DNAH3: variants seen among roughly 807,000 people sequenced by gnomAD.
DNAH3 encodes the protein dynein axonemal heavy chain 3.
Under a neutral mutation model 432.5 loss-of-function variants are expected in DNAH3, and 332 were observed. That is an observed-to-expected ratio of 0.77 (90% CI 0.70 to 0.84). The LOEUF is 0.84. DNAH3 is among the 40% of genes least tolerant of loss of function. The pLI, the probability that DNAH3 is intolerant of heterozygous loss-of-function variation, is 0.00. For synonymous variants in DNAH3, 1,956 were observed against 1,900.2 expected (o/e 1.03, Z -0.76); for missense variants, 4,861 against 5,114.0 (o/e 0.95, Z 1.51).
chr16:21,049,845 C>A, intron 30 of DNAH3, 65 bp downstream of exon 30: 4 of 1,440,230 alleles, frequency 2.8e-6, no homozygotes, highest in Non-Finnish European at 3.9e-6. Flanking sequence ...TTGATGCCTA[C>A]TTCCCACAGG....
chr16:21,027,187 AAG>A, intron 37 of DNAH3, 60 bp from the exon 38 acceptor site: 1 of 1,238,886 alleles, frequency 8.1e-7, no homozygotes, highest in East Asian at 2.3e-5. Context: ...ATCTGCAAGT[AAG>A]AGGTCTCAGT....
chr16:21,086,126 T>C (rs2091363577), intron 19 of DNAH3, among the ~76,000 whole-genome samples: 1 of 152,188 alleles, frequency 6.6e-6, no homozygotes, highest in African/African-American at 2.4e-5. Flanking sequence ...GAAAGCCATT[T>C]TCACTTCTAA....
intron 23 of DNAH3, among the ~76,000 whole-genome samples, 184 bp from the exon 24 acceptor site, chr16:21,067,603 G>A: frequency 6.6e-6 from 1 of 151,990 alleles, no homozygotes; most frequent in East Asian, 1.9e-4. Flanking sequence ...TCTGATCATG[G>A]TTGACTGGGC....
intron 1 of DNAH3, chr16:21,159,296 G>A (rs746604596): frequency 3.2e-6 from 5 of 1,583,444 alleles, no homozygotes; most frequent in East Asian, 4.5e-5. Context: ...CAGTCTCTGT[G>A]CCTTCTGGGA....
intron 51 of DNAH3, 46 bp downstream of exon 51, chr16:20,975,181 CCACGCT>C (rs1459808181): frequency 6.3e-7 from 1 of 1,597,700 alleles, no homozygotes; most frequent in South Asian, 1.1e-5. Context: ...ATGGGTATAA[CCACGCT>C]CATTCGGCAG....
chr16:21,120,485 T>TA, intron 11 of DNAH3: 2 of 555,960 alleles, frequency 3.6e-6, no homozygotes, highest in Non-Finnish European at 6.4e-6. Flanking sequence ...TTGCCATTCT[T>TA]AAAGATTTTT....
exon 37 of DNAH3, chr16:21,031,158 A>C (rs779166086): frequency 6.2e-7 from 1 of 1,614,132 alleles, no homozygotes; most frequent in South Asian, 1.1e-5. Context: ...TGCTCCCGGA[A>C]AGCATTGGCA....
intron 49 of DNAH3, among the ~76,000 whole-genome samples, chr16:20,981,597 C>T (rs1327166468): frequency 6.6e-6 from 1 of 152,116 alleles, no homozygotes; most frequent in Admixed American, 6.6e-5. Context: ...TGGAGGCTCA[C>T]ACCTGTAATC....
intron 12 of DNAH3, among the ~76,000 whole-genome samples, chr16:21,115,876 A>T (rs2092186956): frequency 6.6e-6 from 1 of 152,136 alleles, no homozygotes; most frequent in South Asian, 2.1e-4. Context: ...GCTTCCAAAT[A>T]TGAGGCCATG....
At chr16:21,152,778 G>A (rs1318204651) in intron 1 of DNAH3, among the ~76,000 whole-genome samples, 2 of 152,248 alleles carry the variant, frequency 1.3e-5, no homozygotes, top group South Asian at 2.1e-4. Context: ...TCCCCCAGCA[G>A]TGCTAGCCCA....
chr16:20,947,148 C>A (rs994887880), intron 57 of DNAH3, among the ~76,000 whole-genome samples: 1 of 151,896 alleles, frequency 6.6e-6, no homozygotes, highest in East Asian at 1.9e-4. Flanking sequence ...TAAGACTCCA[C>A]CTAGAGAGAG....
At chr16:21,148,345 A>C (rs889680031) in intron 1 of DNAH3, among the ~76,000 whole-genome samples, 3 of 152,178 alleles carry the variant, frequency 2.0e-5, no homozygotes, top group Admixed American at 2.0e-4. Context: ...CTAGCTGAAG[A>C]AAATGAGGGT....
At position 21,075,533 on chromosome 16, in the gene DNAH3, T is replaced by A; in HGVS notation, c.2998A>T (p.Lys1000Ter). The change falls in exon 21 of 62, where the codon AAG becomes TAG. Residue 1000 changes from lysine to a stop codon, truncating the protein, a stop_gained. Coordinates refer to ENST00000261383, the Ensembl canonical transcript of DNAH3. LOFTEE classifies it high-confidence loss of function. ...AAGTTTTTCTCCAGAGAGTATTCCT[T>A]GCTGGCAGCTGCACCAATGGGCTCC... 2 of 1,613,978 alleles carry A rather than the reference T, an allele frequency of 1.2e-6. No individual in the cohort carries two copies. Among genetic ancestry groups the A allele is most frequent in the Non-Finnish European group, 8.5e-7 (1 of 1,179,906 alleles).
At chr16:20,966,020 T>C (rs988822071) in intron 52 of DNAH3, among the ~76,000 whole-genome samples, 13 of 65,486 alleles carry the variant, frequency 2.0e-4, no homozygotes, top group South Asian at 7.2e-4. Context: ...GCCAATTTTT[T>C]TTTTTTTTTT....
chr16:20,964,961 C>T, exon 53 of DNAH3: 9 of 1,614,182 alleles, frequency 5.6e-6, no homozygotes, highest in South Asian at 1.1e-5. Flanking sequence ...TTCTCTCCCC[C>T]AAGACCACTG....
In DNAH3 at chr16:21,155,545, C is replaced by T. The variant is rs532566673; in HGVS notation, c.117+3780G>A. 1.1e-4 allele frequency among the ~76,000 whole-genome samples: 16 copies of T among 149,674 alleles called. No homozygotes were observed. In the East Asian group the frequency reaches 3.0e-3, roughly 28 times the overall value. ...GCTTTGGCAGGAGAATCATTTGAACCCAGGAGGTGGAGGTTGCAGTAAGCC... is the reference window on the plus strand; with the variant it reads ...GCTTTGGCAGGAGAATCATTTGAACTCAGGAGGTGGAGGTTGCAGTAAGCC... On this transcript the variant is annotated intron_variant, in intron 1 of 61. Coordinates refer to ENST00000261383, the Ensembl canonical transcript of DNAH3.
chr16:21,159,398 G>C, exon 1 of DNAH3: 1 of 1,614,110 alleles, frequency 6.2e-7, no homozygotes, highest in Non-Finnish European at 8.5e-7. Context: ...GCCCGGATGG[G>C]GAGGGGCGGC....
intron 12 of DNAH3, among the ~76,000 whole-genome samples, chr16:21,113,237 G>C (rs369896473): frequency 2.0e-3 from 305 of 152,290 alleles, no homozygotes; most frequent in African/African-American, 7.0e-3. Flanking sequence ...AGGGACCCAG[G>C]GGGAGGTAGT....
At position 21,140,854 on chromosome 16, in the gene DNAH3, C is replaced by T. The variant is rs1042598879; in HGVS notation, c.522-144G>A. 8 of 673,170 alleles carry T rather than the reference C, an allele frequency of 1.2e-5. No homozygotes were observed. The African/African-American group carries it at 1.3e-4, about 11-fold the overall frequency. 41.7% of individuals were successfully genotyped at this position (673,170 alleles called of 1,614,324 possible). A position where few individuals can be genotyped will look rare whatever the true frequency, so the allele number is the denominator to read the frequency against. Reference sequence around the variant, plus strand: ...TGTCATCTAATGGCATGTGTGTATACTTCCAAGATGACCCTAATGACTGAA... The same window carrying T: ...TGTCATCTAATGGCATGTGTGTATATTTCCAAGATGACCCTAATGACTGAA... On this transcript the variant is annotated intron_variant, in intron 4 of 61. Coordinates refer to ENST00000261383, the Ensembl canonical transcript of DNAH3.
Sources: gnomAD v4.1 joint callset for allele counts (sites outside exome capture counted in the v4.1 genomes callset) on GRCh38, gnomAD v4.1.1 for gene constraint, MANE v1.5 for transcripts, NCBI Gene and HGNC (gene_info 2026-07-23, HGNC 2026-07-21) for gene names.